DDX10: variants seen among roughly 807,000 people sequenced by gnomAD.
DDX10 encodes probable ATP-dependent RNA helicase DDX10.
DDX10 carries 74 observed loss-of-function variants against 104.3 expected under a neutral mutation model. The ratio of observed to expected loss-of-function variants is 0.71; its 90% CI spans 0.59 to 0.86. The LOEUF (loss-of-function observed/expected upper bound fraction) is 0.86. Among genes scored for constraint, DDX10 ranks in the 40% least tolerant of loss-of-function variants. DDX10 has a pLI of 0.00. For missense variants in DDX10, 952 were observed against 1,040.0 expected (o/e 0.92, Z 1.16); for synonymous variants, 351 against 353.4 (o/e 0.99, Z 0.08).
At chr11:108,700,862 A>C (rs1025093355) in intron 9 of DDX10, among the ~76,000 whole-genome samples, 28 of 147,964 alleles carry the variant, frequency 1.9e-4, no homozygotes, top group Non-Finnish European at 4.5e-5. Context: ...GTTACAATTT[A>C]CCTTTTTTTT....
At chr11:108,811,483 G>T (rs573251251) in intron 13 of DDX10, among the ~76,000 whole-genome samples, 5 of 152,072 alleles carry the variant, frequency 3.3e-5, no homozygotes, top group Admixed American at 3.3e-4. Flanking sequence ...CATCTCTCAG[G>T]ATTTATTTTT....
At position 108,693,589 on chromosome 11, in the gene DDX10, T is replaced by C. The variant is rs2094255738; in HGVS notation, c.1212T>C (p.Gly404=). 1 of 1,612,822 alleles carries C rather than the reference T, an allele frequency of 6.2e-7. No individual in the cohort carries two copies. Among genetic ancestry groups the C allele is most frequent in the Non-Finnish European group, 8.5e-7 (1 of 1,178,900 alleles). The change falls in exon 9 of 18, where the codon GGT becomes GGC. Residue 404 remains glycine, a synonymous_variant. Transcript: ENST00000322536. ...CCAACACATATATTCACAGAGCAGG[T>C]AGAACTGCCAGGTAGGTGTACTGAC... ...EDANTYIHRA[G]RTARYKEDGE... is the part of the protein sequence containing the mutation.
rs541649657 is a variant in DDX10, at chr11:108,723,142, A to G, written c.1645A>G (p.Arg549Gly). The part of the protein sequence containing the change: ...SLTNDEVEEF[R>G]AYFNEKMSIL... ...CACCAATGACGAAGTGGAAGAATTT[A>G]GAGCCTACTTCAATGAGAAAATGTC... The change falls in exon 13 of 18, where the codon AGA becomes GGA. Residue 549 changes from arginine (R) to glycine (G), a missense_variant. Arg to Gly is a moderately radical substitution (Grantham distance 125). Coordinates refer to ENST00000322536, the MANE Select transcript of DDX10 (RefSeq NM_004398.4). 60 of 1,613,918 alleles carry G rather than the reference A, an allele frequency of 3.7e-5. 1 individual carries two copies. In the South Asian group the frequency reaches 6.4e-4, roughly 17 times the overall value.
chr11:108,675,717 T>C lies in DDX10; in HGVS notation c.369T>C (p.Phe123=). 1 of 1,614,192 alleles carries C rather than the reference T, an allele frequency of 6.2e-7. No homozygotes were observed. The highest frequency in any genetic ancestry group is 8.5e-7 in the Non-Finnish European group (1 of 1,180,018). The change falls in exon 3 of 18, where the codon TTT becomes TTC. Residue 123 remains phenylalanine, a synonymous_variant. Transcript: ENST00000322536. ...AKTGSGKTLA[F]LVPVLEALYR... Reference sequence around the variant, plus strand: ...CTGGATCTGGCAAGACTCTGGCTTTTCTTGTTCCAGTAAGTACATTGTCAT... The same window carrying C: ...CTGGATCTGGCAAGACTCTGGCTTTCCTTGTTCCAGTAAGTACATTGTCAT...
chr11:108,876,711 C>G (rs1468466198), intron 16 of DDX10, among the ~76,000 whole-genome samples: 8 of 152,176 alleles, frequency 5.3e-5, no homozygotes, highest in Admixed American at 5.2e-4. Context: ...TGTGCATCAC[C>G]TGTTAGTACA....
At chr11:108,779,496 T>A (rs1591816186) in intron 13 of DDX10, among the ~76,000 whole-genome samples, 1 of 144,116 alleles carries the variant, frequency 6.9e-6, no homozygotes, top group East Asian at 2.0e-4. Context: ...TGAGAACACA[T>A]GGACACAGGG....
chr11:108,708,663 G>A (rs973499306), intron 10 of DDX10, among the ~76,000 whole-genome samples: 2 of 151,574 alleles, frequency 1.3e-5, no homozygotes, highest in African/African-American at 2.4e-5. Context: ...TACCTCCTGG[G>A]TTCAGGCAAT....
intron 17 of DDX10, chr11:108,921,625 G>A (rs1025951887): frequency 6.6e-6 from 1 of 152,162 alleles, no homozygotes; most frequent in Non-Finnish European, 1.5e-5. Flanking sequence ...TTTCAGAGAC[G>A]AATTCACTCT....
At chr11:108,823,577 T>A (rs1288894850) in intron 13 of DDX10, among the ~76,000 whole-genome samples, 3 of 152,202 alleles carry the variant, frequency 2.0e-5, no homozygotes, top group Non-Finnish European at 4.4e-5. Context: ...TTAGCATATA[T>A]CTTTCTTCCA....
At chr11:108,899,704 A>T (rs557040463) in intron 16 of DDX10, among the ~76,000 whole-genome samples, 1 of 152,200 alleles carries the variant, frequency 6.6e-6, no homozygotes, top group African/African-American at 2.4e-5. Context: ...TGTAATCCCC[A>T]ATGTTGGAGG....
At chr11:108,919,921 C>A (rs931900078) in intron 17 of DDX10, 1 of 149,782 alleles carries the variant, frequency 6.7e-6, no homozygotes, top group Non-Finnish European at 1.5e-5. Flanking sequence ...TGTTAATTGG[C>A]TGTAAATGTT....
chr11:108,828,048 A>C (rs933681470), intron 13 of DDX10, among the ~76,000 whole-genome samples: 2 of 152,184 alleles, frequency 1.3e-5, no homozygotes, highest in Non-Finnish European at 2.9e-5. Flanking sequence ...GAAACTCTAT[A>C]CTTGTTATGT....
chr11:108,897,271 A>G (rs935275274), intron 16 of DDX10, among the ~76,000 whole-genome samples: 19 of 152,226 alleles, frequency 1.2e-4, no homozygotes, highest in Admixed American at 5.2e-4. Flanking sequence ...TTGCTTGGCA[A>G]TATTCTCTAG....
chr11:108,795,837 T>G (rs1861933666), intron 13 of DDX10, among the ~76,000 whole-genome samples: 1 of 152,308 alleles, frequency 6.6e-6, no homozygotes, highest in East Asian at 1.9e-4. Context: ...GCATGATTTA[T>G]AATCCTTTGG....
intron 13 of DDX10, among the ~76,000 whole-genome samples, chr11:108,790,232 G>A (rs1487336011): frequency 6.6e-6 from 1 of 152,098 alleles, no homozygotes; most frequent in East Asian, 1.9e-4. Flanking sequence ...CTTCATGTAT[G>A]TTCACTATCA....
intron 9 of DDX10, among the ~76,000 whole-genome samples, chr11:108,699,935 G>A (rs769720704): frequency 6.6e-6 from 1 of 152,158 alleles, no homozygotes; most frequent in Non-Finnish European, 1.5e-5. Context: ...GGCTTAGATG[G>A]ACACTTGCAT....
At chr11:108,827,155 G>A (rs1448083862) in intron 13 of DDX10, among the ~76,000 whole-genome samples, 1 of 152,154 alleles carries the variant, frequency 6.6e-6, no homozygotes, top group Non-Finnish European at 1.5e-5. Flanking sequence ...ATTAAATGAG[G>A]TAGTCCATAT....
At position 108,737,210 on chromosome 11, in the gene DDX10, T is replaced by C. The variant is rs183374698; in HGVS notation, c.1965+13748T>C. Among the ~76,000 whole-genome samples, 34 of 152,366 alleles carry C rather than the reference T, an allele frequency of 2.2e-4. No homozygotes were observed. The East Asian group carries it at 6.0e-3, about 27-fold the overall frequency. On this transcript the variant is annotated intron_variant, in intron 13 of 17. Transcript: ENST00000322536. ...TATGATCAGAAACATCTATGATTTTTGTTTTAATAAACCAAATTTTTAAAA... is the reference window on the plus strand; with the variant it reads ...TATGATCAGAAACATCTATGATTTTCGTTTTAATAAACCAAATTTTTAAAA...
intron 16 of DDX10, among the ~76,000 whole-genome samples, chr11:108,874,617 C>T (rs994061204): frequency 6.6e-6 from 1 of 151,860 alleles, no homozygotes; most frequent in African/African-American, 2.4e-5. Context: ...AGCCATCCTC[C>T]CACCTCAGTC....
Sources: allele counts gnomAD v4.1 joint callset (sites outside exome capture counted in the v4.1 genomes callset), GRCh38; gene constraint gnomAD v4.1.1; transcripts MANE v1.5; gene names NCBI Gene and HGNC (gene_info 2026-07-23, HGNC 2026-07-21).